ATL1: variants seen among roughly 807,000 people sequenced by gnomAD.
ATL1 encodes the protein atlastin-1.
A neutral mutation model predicts 75.5 loss-of-function variants in ATL1; 31 were observed. The observed-to-expected ratio is 0.41, with a 90% CI of 0.31 to 0.55. ATL1 has a LOEUF of 0.55. ATL1 is among the 20% of genes least tolerant of loss of function. The probability of loss-of-function intolerance (pLI) is 0.27; values close to 1 mark genes in which losing one functional copy is unlikely to be tolerated. For synonymous variants in ATL1, 226 were observed against 233.3 expected (o/e 0.97, Z 0.28); for missense variants, 405 against 662.6 (o/e 0.61, Z 4.27).
At chr14:50,627,341 A>G (rs1443231990) in intron 11 of ATL1, among the ~76,000 whole-genome samples, 1 of 152,258 alleles carries the variant, frequency 6.6e-6, no homozygotes, top group Non-Finnish European at 1.5e-5. Flanking sequence ...TGAATTAGGA[A>G]ATAAAAAAAA....
chr14:50,564,866 A>T (rs2038887904), intron 1 of ATL1, among the ~76,000 whole-genome samples: 1 of 151,990 alleles, frequency 6.6e-6, no homozygotes, highest in Non-Finnish European at 1.5e-5. Flanking sequence ...AGTGTACTAT[A>T]GTTACCTCAT....
At chr14:50,600,397 T>C (rs12100706) in intron 6 of ATL1, among the ~76,000 whole-genome samples, 1,800 of 152,276 alleles carry the variant, frequency 0.012, 35 homozygotes, top group African/African-American at 0.041. Context: ...CTCCTAAACA[T>C]GTTTGGACTT....
intron 1 of ATL1, among the ~76,000 whole-genome samples, chr14:50,543,122 TAC>T (rs2038587298): frequency 6.6e-6 from 1 of 152,248 alleles, no homozygotes. Context: ...TCAGCCTCTT[TAC>T]ACAGTCACTC....
At chr14:50,616,328 G>C (rs1280075471) in intron 8 of ATL1, among the ~76,000 whole-genome samples, 1 of 150,972 alleles carries the variant, frequency 6.6e-6, no homozygotes, top group Non-Finnish European at 1.5e-5. Context: ...ATGGGGTCTT[G>C]CTCTGTCTAT....
chr14:50,534,703 T>C (rs2038471400), intron 1 of ATL1, among the ~76,000 whole-genome samples: 1 of 152,234 alleles, frequency 6.6e-6, no homozygotes, highest in Admixed American at 6.5e-5. Context: ...GTCGAGACTC[T>C]ATGTGTCTGC....
chr14:50,562,451 A>G (rs2038859271), intron 1 of ATL1, among the ~76,000 whole-genome samples: 1 of 152,198 alleles, frequency 6.6e-6, no homozygotes, highest in South Asian at 2.1e-4. Flanking sequence ...AGACTCTCCC[A>G]TCTTCCAGCC....
chr14:50,568,186 G>T (rs964641302), intron 1 of ATL1, among the ~76,000 whole-genome samples: 1 of 152,132 alleles, frequency 6.6e-6, no homozygotes, highest in Non-Finnish European at 1.5e-5. Context: ...TAGGTACATA[G>T]ATTTTTGTCA....
Position 50,620,538 on chromosome 14 carries a change from C to CTT in ATL1, c.863-60_863-59insTT. The CTT allele has an allele frequency of 2.6e-6, 4 of 1,537,256 alleles. No individual in the cohort carries two copies. In the Admixed American group the frequency reaches 6.8e-5, roughly 26 times the overall value. On this transcript the variant is annotated intron_variant, in intron 8 of 13. Coordinates refer to ENST00000358385, the MANE Select transcript of ATL1 (RefSeq NM_015915.5). ...GGGGGAGATCAAAGGATGTTTTATT[C>CTT]TGTGGCATGGAGGACTGGGAAGGAT... is the stretch of plus-strand genomic sequence containing the variant.
chr14:50,575,635 CAG>C (rs1812063185), intron 1 of ATL1, among the ~76,000 whole-genome samples: 1 of 152,106 alleles, frequency 6.6e-6, no homozygotes, highest in Admixed American at 6.5e-5. Context: ...GAAAAAGTAA[CAG>C]TTCTTTTTAA....
At chr14:50,589,566 G>A (rs2039135912) in intron 2 of ATL1, among the ~76,000 whole-genome samples, 1 of 152,192 alleles carries the variant, frequency 6.6e-6, no homozygotes, top group South Asian at 2.1e-4. Flanking sequence ...TTGAAGATGT[G>A]TGGATCTGGA....
intron 1 of ATL1, among the ~76,000 whole-genome samples, chr14:50,552,442 A>G (rs2038714307): frequency 6.6e-6 from 1 of 152,198 alleles, no homozygotes; most frequent in Non-Finnish European, 1.5e-5. Flanking sequence ...CCATACTGCC[A>G]AAAGCAATAT....
At chr14:50,616,898 C>G (rs553136009) in intron 8 of ATL1, among the ~76,000 whole-genome samples, 1 of 152,164 alleles carries the variant, frequency 6.6e-6, no homozygotes, top group Non-Finnish European at 1.5e-5. Context: ...TTCTGTCCCA[C>G]GCTGAATCTT....
At chr14:50,560,433 G>A in intron 1 of ATL1, 134 bp downstream of exon 1, 1 of 1,209,710 alleles carries the variant, frequency 8.3e-7, no homozygotes, top group Non-Finnish European at 1.2e-6. Flanking sequence ...CCGTAGCCGA[G>A]CCGCTCCCTG....
rs1463100386 is a variant in ATL1, at chr14:50,632,579, T to C, written c.*240T>C. ...TGATTTTTCTTCAAAAATGCTGTTA[T>C]AAAGTATTTGTCTATTTATGATAAC... is the stretch of plus-strand genomic sequence containing the variant. On this transcript the variant is annotated 3_prime_UTR_variant, in exon 14 of 14. Coordinates refer to ENST00000358385, the MANE Select transcript of ATL1 (RefSeq NM_015915.5). 6 of 390,426 alleles carry C rather than the reference T, an allele frequency of 1.5e-5. No homozygotes were observed. The East Asian group carries it at 3.3e-4, about 22-fold the overall frequency. 24.2% of individuals were successfully genotyped at this position (390,426 alleles called of 1,614,324 possible).
chr14:50,628,808 C>T (rs1057440132), intron 12 of ATL1, among the ~76,000 whole-genome samples: 8 of 152,126 alleles, frequency 5.3e-5, no homozygotes, highest in Admixed American at 1.3e-4. Context: ...CCTCCGCCTC[C>T]CAGGCTCAAG....
chr14:50,570,718 A>G (rs1337590575), intron 1 of ATL1, among the ~76,000 whole-genome samples: 3 of 152,124 alleles, frequency 2.0e-5, no homozygotes, highest in Non-Finnish European at 2.9e-5. Context: ...TCTCTAGGAC[A>G]GTTTCTGTTT....
chr14:50,545,448 C>T (rs981215948), intron 1 of ATL1, among the ~76,000 whole-genome samples: 2 of 152,048 alleles, frequency 1.3e-5, no homozygotes, highest in East Asian at 1.9e-4. Context: ...CCAGGGTGGT[C>T]GACGGCATCC....
chr14:50,573,279 T>C (rs2038971246), intron 1 of ATL1, among the ~76,000 whole-genome samples: 1 of 152,242 alleles, frequency 6.6e-6, no homozygotes, highest in African/African-American at 2.4e-5. Context: ...GATTTCATAC[T>C]TAATTTTGTT....
At chr14:50,618,217 C>G (rs1312760186) in intron 8 of ATL1, among the ~76,000 whole-genome samples, 1 of 152,000 alleles carries the variant, frequency 6.6e-6, no homozygotes, top group Non-Finnish European at 1.5e-5. Flanking sequence ...TAGTAATATT[C>G]TACTAAAGAT....
Sources: allele counts gnomAD v4.1 joint callset (sites outside exome capture counted in the v4.1 genomes callset), GRCh38; gene constraint gnomAD v4.1.1; transcripts MANE v1.5; gene names NCBI Gene and HGNC (gene_info 2026-07-23, HGNC 2026-07-21).